The following MYO3B variants were observed in gnomAD, a reference collection of about 807,000 sequenced individuals.
MYO3B encodes myosin-IIIb.
MYO3B carries 156 observed loss-of-function variants against 174.6 expected under a neutral mutation model. The ratio of observed to expected loss-of-function variants is 0.89; its 90% CI spans 0.78 to 1.02. The LOEUF (loss-of-function observed/expected upper bound fraction) is 1.02, where lower values mean the gene tolerates loss of function less well. Among genes scored for constraint, MYO3B ranks in the 50% least tolerant of loss-of-function variants. The pLI, the probability that MYO3B is intolerant of heterozygous loss-of-function variation, is 0.00. For synonymous variants in MYO3B, 563 were observed against 569.1 expected, an observed-to-expected ratio of 0.99 and a Z score of 0.15; for missense variants, 1,632 against 1,639.4, an observed-to-expected ratio of 1.00 and a Z score of 0.08.
At chr2:170,248,382 T>C (rs2093215188) in intron 7 of MYO3B, among the ~76,000 whole-genome samples, 1 of 152,180 alleles carries the variant, frequency 6.6e-6, no homozygotes, top group Admixed American at 6.5e-5. Context: ...ACTAGCAAGA[T>C]CTGAGCTGCA....
At chr2:170,496,590 T>G (rs1425865920) in intron 25 of MYO3B, among the ~76,000 whole-genome samples, 2 of 148,456 alleles carry the variant, frequency 1.3e-5, no homozygotes. Flanking sequence ...ATTCAAAAAG[T>G]TATATATAAT....
At position 170,476,582 on chromosome 2, in the gene MYO3B, A is replaced by G. The variant is rs1685332616; in HGVS notation, c.3014+9871A>G. On this transcript the variant is annotated intron_variant, in intron 25 of 34. Coordinates refer to ENST00000408978, the MANE Select transcript of MYO3B (RefSeq NM_138995.5). The stretch of plus-strand genomic sequence containing the variant: ...CTCCTCTCCAACTGCCCCTAGCAGA[A>G]CTCCTCTCAGCCTTCAGATACTCCT... Among the ~76,000 whole-genome samples, 2 of 151,538 alleles carry G rather than the reference A, an allele frequency of 1.3e-5. 1 individual carries two copies. The highest frequency in any genetic ancestry group is 4.2e-4 in the South Asian group (2 of 4,770).
At chr2:170,547,862 C>T (rs1478860395) in intron 32 of MYO3B, among the ~76,000 whole-genome samples, 2 of 152,038 alleles carry the variant, frequency 1.3e-5, no homozygotes, top group South Asian at 4.2e-4. Flanking sequence ...GGAGAAAATA[C>T]AGCAGCAAGG....
At chr2:170,407,965 G>T in intron 22 of MYO3B, 121 bp downstream of exon 22, 2 of 1,214,960 alleles carry the variant, frequency 1.6e-6, no homozygotes, top group South Asian at 1.4e-5. Context: ...CTTTAAGCAG[G>T]AGTAAGGGTC....
chr2:170,476,069 C>A (rs563718613), intron 25 of MYO3B, among the ~76,000 whole-genome samples: 1 of 115,550 alleles, frequency 8.7e-6, no homozygotes, highest in Non-Finnish European at 2.3e-5. Context: ...GGGAGTGTTC[C>A]CTGTCCCCCC....
chr2:170,551,382 T>TTATTTATC (rs1198701361), intron 32 of MYO3B, among the ~76,000 whole-genome samples: 39,046 of 138,472 alleles, frequency 0.28, 5,882 homozygotes, highest in Admixed American at 0.31. Context: ...ATTTATTTAT[T>TTATTTATC]TATTTTTAGG....
At chr2:170,622,747 G>A (rs1190182615) in intron 32 of MYO3B, among the ~76,000 whole-genome samples, 13 of 111,264 alleles carry the variant, frequency 1.2e-4, no homozygotes, top group South Asian at 3.1e-4. Flanking sequence ...AACAGGCCCC[G>A]GTGTGTGATG....
chr2:170,345,987 G>C (rs2094013166), intron 8 of MYO3B, among the ~76,000 whole-genome samples: 1 of 151,972 alleles, frequency 6.6e-6, no homozygotes, highest in Non-Finnish European at 1.5e-5. Context: ...CTGTCCCTCA[G>C]ACTGGAGACA....
chr2:170,237,139 C>G (rs918556969), intron 7 of MYO3B, among the ~76,000 whole-genome samples: 6 of 152,200 alleles, frequency 3.9e-5, no homozygotes, highest in Non-Finnish European at 8.8e-5. Flanking sequence ...ATCACAAAAA[C>G]AGGTCACAGC....
intron 22 of MYO3B, among the ~76,000 whole-genome samples, chr2:170,429,772 T>C (rs2094693990): frequency 6.6e-6 from 1 of 152,210 alleles, no homozygotes; most frequent in Non-Finnish European, 1.5e-5. Context: ...TTGACTACTC[T>C]TCAGTTTTTG....
intron 7 of MYO3B, among the ~76,000 whole-genome samples, chr2:170,292,756 G>A (rs759263315): frequency 6.6e-6 from 1 of 152,098 alleles, no homozygotes; most frequent in Non-Finnish European, 1.5e-5. Flanking sequence ...CCTCTGAATT[G>A]TACCTTCTAC....
chr2:170,547,786 G>A (rs1220964899), intron 32 of MYO3B, among the ~76,000 whole-genome samples: 1 of 152,182 alleles, frequency 6.6e-6, no homozygotes, highest in Non-Finnish European at 1.5e-5. Context: ...GAGGGAGATA[G>A]ACAATAAACA....
chr2:170,424,906 C>T (rs1381458990), intron 22 of MYO3B, among the ~76,000 whole-genome samples: 1 of 152,182 alleles, frequency 6.6e-6, no homozygotes, highest in Non-Finnish European at 1.5e-5. Context: ...TTCTCTCTGC[C>T]AGCATCCTTC....
At position 170,654,864 on chromosome 2, in the gene MYO3B, A is replaced by G. The variant is rs752407895; in HGVS notation, c.*1743A>G. ...ATATAGCCAATTTTTCAATAGCTGA[A>G]CTTCACCCAAAAGGTAATGTTTATA... On this transcript the variant is annotated 3_prime_UTR_variant, in exon 35 of 35. Transcript: ENST00000408978. The G allele has an allele frequency of 2.3e-4, 35 of 152,108 alleles. 1 individual carries two copies. Among genetic ancestry groups the G allele is most frequent in the Non-Finnish European group, 3.8e-4 (26 of 68,022 alleles). The allele number at this position is 152,108 out of a possible 1,614,324, so 9.4% of individuals were successfully genotyped here.
chr2:170,209,071 C>T (rs185830729), intron 3 of MYO3B, among the ~76,000 whole-genome samples: 11 of 152,128 alleles, frequency 7.2e-5, no homozygotes, highest in African/African-American at 2.4e-4. Context: ...GCCAGTTTTC[C>T]CAAGGGGCTT....
At chr2:170,338,498 T>C (rs1174201218) in intron 8 of MYO3B, among the ~76,000 whole-genome samples, 1 of 152,196 alleles carries the variant, frequency 6.6e-6, no homozygotes, top group Non-Finnish European at 1.5e-5. Context: ...CATAAATTCT[T>C]CTGCAATATT....
chr2:170,237,065 C>T (rs2105300728), intron 7 of MYO3B, among the ~76,000 whole-genome samples: 1 of 152,314 alleles, frequency 6.6e-6, no homozygotes, highest in East Asian at 1.9e-4. Context: ...TGTGAACAAC[C>T]ACCAACCACT....
intron 30 of MYO3B, 55 bp downstream of exon 30, chr2:170,519,595 T>C (rs1012747372): frequency 8.2e-6 from 11 of 1,339,532 alleles, no homozygotes; most frequent in African/African-American, 7.2e-5. Context: ...TCCATTCTAA[T>C]GGATAATGAA....
intron 8 of MYO3B, among the ~76,000 whole-genome samples, chr2:170,353,542 A>G (rs889161730): frequency 2.0e-5 from 3 of 152,180 alleles, no homozygotes; most frequent in African/African-American, 7.2e-5. Context: ...CTGAGAGTGA[A>G]CTTTAATGTA....
Sources: gnomAD v4.1 joint callset for allele counts (sites outside exome capture counted in the v4.1 genomes callset) on GRCh38, gnomAD v4.1.1 for gene constraint, MANE v1.5 for transcripts, NCBI Gene and HGNC (gene_info 2026-07-23, HGNC 2026-07-21) for gene names.